The following PCDHGB7 variants were observed in gnomAD, a reference collection of about 807,000 sequenced individuals.
PCDHGB7 encodes the protein protocadherin gamma subfamily B, 7.
A neutral mutation model predicts 61.4 loss-of-function variants in PCDHGB7; 37 were observed. The observed-to-expected ratio is 0.60, with a 90% CI of 0.46 to 0.79. The LOEUF is 0.79. Among genes scored for constraint, PCDHGB7 ranks in the 30% least tolerant of loss-of-function variants. PCDHGB7 has a pLI of 0.00. For missense variants in PCDHGB7, 1,166 were observed against 1,202.5 expected, an observed-to-expected ratio of 0.97 and a Z score of 0.45; for synonymous variants, 464 against 503.5, an observed-to-expected ratio of 0.92 and a Z score of 1.05.
intron 1 of PCDHGB7, among the ~76,000 whole-genome samples, chr5:141,468,788 C>T (rs2099179417): frequency 6.6e-6 from 1 of 151,926 alleles, no homozygotes; most frequent in Admixed American, 6.6e-5. Context: ...ATGGCGTGAA[C>T]CCGGGAGGCG....
chr5:141,467,811 A>T (rs562932160), intron 1 of PCDHGB7, among the ~76,000 whole-genome samples: 1 of 152,164 alleles, frequency 6.6e-6, no homozygotes, highest in African/African-American at 2.4e-5. Flanking sequence ...GGCACATGCC[A>T]CCACACCAGG....
chr5:141,449,943 C>G (rs1561937416), intron 1 of PCDHGB7, among the ~76,000 whole-genome samples: 1 of 151,186 alleles, frequency 6.6e-6, no homozygotes, highest in African/African-American at 2.4e-5. Flanking sequence ...GTATATTTTA[C>G]TATACCTCAT....
chr5:141,470,872 TTTTTTG>T (rs900302332), intron 1 of PCDHGB7, among the ~76,000 whole-genome samples: 3 of 151,814 alleles, frequency 2.0e-5, no homozygotes, highest in African/African-American at 4.8e-5. Context: ...GTTTGTTTGT[TTTTTTG>T]TTTTTGTTTT....
At chr5:141,482,755 T>TGA (rs1554165462) in intron 1 of PCDHGB7, among the ~76,000 whole-genome samples, 1 of 143,580 alleles carries the variant, frequency 7.0e-6, no homozygotes, top group Admixed American at 6.9e-5. Context: ...GGGATTATGG[T>TGA]ATTTCATTAT....
rs754536860 is a variant in PCDHGB7, at chr5:141,432,221, A to G, written c.2415+11947A>G. The G allele has an allele frequency of 2.5e-6, 4 of 1,614,190 alleles. No homozygotes were observed. The South Asian group carries it at 4.4e-5, about 18-fold the overall frequency. ...CGACTGTGAAGAGAACGCCCAGATC[A>G]CTTATTCCCTGGCTGAGAACACCAT... On this transcript the variant is annotated intron_variant, in intron 1 of 3. Coordinates refer to ENST00000398594, the MANE Select transcript of PCDHGB7 (RefSeq NM_018927.4). The surrounding 1 kb of genome is among the most constrained non-coding windows in gnomAD (Gnocchi z 6.0).
At chr5:141,507,810 G>C (rs550331241) in intron 3 of PCDHGB7, among the ~76,000 whole-genome samples, 5 of 152,172 alleles carry the variant, frequency 3.3e-5, no homozygotes, top group Non-Finnish European at 2.9e-5. Context: ...CCTGGGGAAC[G>C]GACCCTGGGG....
At chr5:141,423,977 G>A in intron 1 of PCDHGB7, 4 of 1,121,548 alleles carry the variant, frequency 3.6e-6, no homozygotes, top group Non-Finnish European at 4.4e-6. Context: ...ATCAGTGTAT[G>A]AGGCTCTCAA....
At position 141,472,488 on chromosome 5, in the gene PCDHGB7, C is replaced by T. The variant is rs183545662; in HGVS notation, c.2416-22319C>T. 4.0e-3 allele frequency among the ~76,000 whole-genome samples: 607 copies of T among 151,768 alleles called. 6 individuals carry two copies. The highest frequency in any genetic ancestry group is 0.011 in the Admixed American group (174 of 15,254). On this transcript the variant is annotated intron_variant, in intron 1 of 3. Coordinates refer to ENST00000398594, the MANE Select transcript of PCDHGB7 (RefSeq NM_018927.4). Reference sequence around the variant, plus strand: ...CCAGAAGGCAGAGCTTGCAGTGAGACGAGATCGTGCCACTGCACTCCAGCC... The same window carrying T: ...CCAGAAGGCAGAGCTTGCAGTGAGATGAGATCGTGCCACTGCACTCCAGCC...
At chr5:141,462,474 C>T (rs2099040477) in intron 1 of PCDHGB7, among the ~76,000 whole-genome samples, 1 of 151,994 alleles carries the variant, frequency 6.6e-6, no homozygotes, top group South Asian at 2.1e-4. Flanking sequence ...TATTCTGCTT[C>T]TCGTGGTTGT....
At position 141,490,524 on chromosome 5, in the gene PCDHGB7, T is replaced by C. The variant is rs1197866164; in HGVS notation, c.2416-4283T>C. The C allele has an allele frequency of 1.2e-6, 2 of 1,613,990 alleles. No homozygotes were observed. Among genetic ancestry groups the C allele is most frequent in the Non-Finnish European group, 1.7e-6 (2 of 1,180,018 alleles). On this transcript the variant is annotated intron_variant, in intron 1 of 3. Transcript: ENST00000398594. The surrounding 1 kb of genome is among the most constrained non-coding windows in gnomAD (Gnocchi z 5.4). ...ATATCATCGAGCTGCTGGCCAGCGA[T>C]GCTGGTTCACCTTCCCTACACAAAC...
At chr5:141,430,405 A>T (rs1163049877) in intron 1 of PCDHGB7, among the ~76,000 whole-genome samples, 1 of 152,124 alleles carries the variant, frequency 6.6e-6, no homozygotes, top group Non-Finnish European at 1.5e-5. Flanking sequence ...AAGCTCACTA[A>T]AGTTTCTATT....
chr5:141,437,331 A>T (rs2097876062), intron 1 of PCDHGB7, among the ~76,000 whole-genome samples: 1 of 152,244 alleles, frequency 6.6e-6, no homozygotes, highest in South Asian at 2.1e-4. Context: ...TAAAATTTGT[A>T]GCTTCACTGT....
chr5:141,462,354 C>T (rs1157515386), intron 1 of PCDHGB7, among the ~76,000 whole-genome samples: 1 of 152,162 alleles, frequency 6.6e-6, no homozygotes, highest in Non-Finnish European at 1.5e-5. Flanking sequence ...CAAAAATATA[C>T]ATTGTATAGT....
At chr5:141,469,408 C>A (rs765861544) in intron 1 of PCDHGB7, among the ~76,000 whole-genome samples, 20 of 152,008 alleles carry the variant, frequency 1.3e-4, no homozygotes, top group Non-Finnish European at 2.6e-4. Flanking sequence ...AACCCCGTTT[C>A]TACTAAAAAT....
At chr5:141,430,559 G>C in intron 1 of PCDHGB7, 1 of 418,772 alleles carries the variant, frequency 2.4e-6, no homozygotes. Flanking sequence ...CACCAATCGG[G>C]GAGAGAAAAG....
intron 1 of PCDHGB7, among the ~76,000 whole-genome samples, chr5:141,463,418 C>T (rs1442067485): frequency 3.6e-5 from 5 of 138,240 alleles, no homozygotes; most frequent in Admixed American, 2.9e-4. Flanking sequence ...TCCTAGTTTG[C>T]GGATCCTCAT....
chr5:141,476,912 G>A lies in PCDHGB7; in HGVS notation c.2416-17895G>A, dbSNP rs1196222770. 1.9e-6 allele frequency: 3 copies of A among 1,614,098 alleles called. No homozygotes were observed. Among genetic ancestry groups the A allele is most frequent in the Non-Finnish European group, 2.5e-6 (3 of 1,180,048 alleles). On this transcript the variant is annotated intron_variant, in intron 1 of 3. Coordinates refer to ENST00000398594, the MANE Select transcript of PCDHGB7 (RefSeq NM_018927.4). The surrounding 1 kb of genome is among the most constrained non-coding windows in gnomAD (Gnocchi z 7.6). Reference sequence around the variant, plus strand: ...ACCCTCCGGCACGCGCGTGGTACAAGTCCTTGCAACGGATCTGGATGAAGG... The same window carrying A: ...ACCCTCCGGCACGCGCGTGGTACAAATCCTTGCAACGGATCTGGATGAAGG...
In PCDHGB7 at chr5:141,476,776, G is replaced by A. The variant is rs764674164; in HGVS notation, c.2416-18031G>A. 9.3e-6 allele frequency: 15 copies of A among 1,612,744 alleles called. No homozygotes were observed. The highest frequency in any genetic ancestry group is 1.3e-5 in the Non-Finnish European group (15 of 1,179,218). On this transcript the variant is annotated intron_variant, in intron 1 of 3. Coordinates refer to ENST00000398594, the MANE Select transcript of PCDHGB7 (RefSeq NM_018927.4). This position sits in a 1 kb window ranked among gnomAD's most constrained non-coding sequence, Gnocchi z 7.6. ...TAGTGCTGACGGCGTTGGACGGAGG[G>A]ACCCCAGCTCTCTCCGCCAGCCTGC...
intron 1 of PCDHGB7, among the ~76,000 whole-genome samples, chr5:141,463,209 A>G (rs1189251811): frequency 6.6e-6 from 1 of 152,140 alleles, no homozygotes; most frequent in African/African-American, 2.4e-5. Flanking sequence ...TTGGGGATCC[A>G]TATTAATATT....
Sources: allele counts gnomAD v4.1 joint callset (sites outside exome capture counted in the v4.1 genomes callset), GRCh38; gene constraint gnomAD v4.1.1; non-coding constraint Gnocchi (gnomAD v3.1); transcripts MANE v1.5; gene names NCBI Gene and HGNC (gene_info 2026-07-23, HGNC 2026-07-21).